MGST1: variants seen among roughly 807,000 people sequenced by gnomAD.
The protein encoded by MGST1 is glutathione S-transferase 12.
A neutral mutation model predicts 8.9 loss-of-function variants in MGST1; 5 were observed. That is an observed-to-expected ratio of 0.56 (90% CI 0.29 to 1.19). The LOEUF is 1.19. MGST1 is among the 50% of genes most tolerant of loss of function. MGST1 has a pLI of 0.08. For missense variants in MGST1, 182 were observed against 187.4 expected (o/e 0.97, Z 0.17); for synonymous variants, 54 against 67.8 (o/e 0.80, Z 1.00).
At chr12:16,400,611 C>A (rs200674914) in intron 1 of MGST1, 2 of 1,177,420 alleles carry the variant, frequency 1.7e-6, no homozygotes, top group Admixed American at 3.4e-5. Flanking sequence ...CCCCGGTCAT[C>A]GTATGACGCT....
chr12:16,507,232 G>A (rs1941543629), intron 4 of MGST1, among the ~76,000 whole-genome samples: 1 of 152,152 alleles, frequency 6.6e-6, no homozygotes, highest in Non-Finnish European at 1.5e-5. Context: ...ACAACATTGG[G>A]CCAATGTGTT....
Position 16,585,728 on chromosome 12 carries a change from G to A in MGST1, n.483-3800G>A, listed in dbSNP as rs142258700. ...GCAGCTCCAAATATAATAATAGAAA[G>A]GAAAATATGGGTGAGAAATTACAAA... On this transcript the variant is annotated intron_variant and non_coding_transcript_variant, in intron 4 of 4. Coordinates refer to the MGST1 transcript ENST00000538857. This position sits in a 1 kb window ranked among gnomAD's most constrained non-coding sequence, Gnocchi z 4.7. Among the ~76,000 whole-genome samples, 224 of 152,126 alleles carry A rather than the reference G, an allele frequency of 1.5e-3. No homozygotes were observed. Among genetic ancestry groups the A allele is most frequent in the African/African-American group, 4.8e-3 (201 of 41,500 alleles).
At chr12:16,569,022 A>G (rs1358589393) in intron 4 of MGST1, among the ~76,000 whole-genome samples, 1 of 152,190 alleles carries the variant, frequency 6.6e-6, no homozygotes, top group Non-Finnish European at 1.5e-5. Context: ...TCTGAAATAG[A>G]TGACAATGCC....
Position 16,401,486 on chromosome 12 carries a change from G to A in MGST1, n.778+17882G>A. 1 of 838,726 alleles carries A rather than the reference G, an allele frequency of 1.2e-6. No individual in the cohort carries two copies. The highest frequency in any genetic ancestry group is 2.1e-6 in the Non-Finnish European group (1 of 487,226). The allele number at this position is 838,726 out of a possible 1,614,324, so 52.0% of individuals were successfully genotyped here. On this transcript the variant is annotated intron_variant and non_coding_transcript_variant, in intron 1 of 1. Coordinates refer to the MGST1 transcript ENST00000359720. The surrounding 1 kb of genome is among the most constrained non-coding windows in gnomAD (Gnocchi z 4.3). ...TTCACACCATGTCTTAATTCCTTCA[G>A]CAGCTCTTCTTGAAGCTGGAGTAAA...
intron 4 of MGST1, among the ~76,000 whole-genome samples, chr12:16,483,891 G>A (rs981102520): frequency 2.0e-5 from 3 of 152,048 alleles, no homozygotes; most frequent in Non-Finnish European, 4.4e-5. Flanking sequence ...CACATAAAAT[G>A]CACAGTACCT....
chr12:16,508,885 T>C (rs781665964), intron 4 of MGST1, among the ~76,000 whole-genome samples: 17 of 152,172 alleles, frequency 1.1e-4, no homozygotes, highest in Non-Finnish European at 2.5e-4. Context: ...TAGAATGATA[T>C]TAAGTTTATC....
chr12:16,453,734 T>C (rs1276917152), intron 4 of MGST1, among the ~76,000 whole-genome samples: 1 of 151,916 alleles, frequency 6.6e-6, no homozygotes, highest in Non-Finnish European at 1.5e-5. Context: ...ATCTTTAATG[T>C]TGCTTGACTT....
chr12:16,422,123 G>A (rs1940843360), intron 1 of MGST1, among the ~76,000 whole-genome samples: 1 of 152,180 alleles, frequency 6.6e-6, no homozygotes, highest in Non-Finnish European at 1.5e-5. Context: ...ATCATTGGAT[G>A]AGACTGGCTG....
chr12:16,471,460 T>A (rs1213190478), intron 4 of MGST1, among the ~76,000 whole-genome samples: 1 of 152,234 alleles, frequency 6.6e-6, no homozygotes, highest in Non-Finnish European at 1.5e-5. Context: ...TTTACTGAAT[T>A]ATGCTTAATG....
chr12:16,412,742 T>C (rs550242424), intron 1 of MGST1, among the ~76,000 whole-genome samples: 2 of 152,188 alleles, frequency 1.3e-5, no homozygotes, highest in Non-Finnish European at 2.9e-5. Context: ...TTGCTCTTCC[T>C]TCACCTTCTG....
chr12:16,351,688 T>C (rs1939472703), intron 1 of MGST1, among the ~76,000 whole-genome samples: 1 of 152,052 alleles, frequency 6.6e-6, no homozygotes, highest in Admixed American at 6.6e-5. Flanking sequence ...CGGGCACCTG[T>C]AATCCCAGCT....
intron 4 of MGST1, among the ~76,000 whole-genome samples, chr12:16,445,235 T>C (rs1480162575): frequency 6.6e-6 from 1 of 151,842 alleles, no homozygotes; most frequent in African/African-American, 2.4e-5. Flanking sequence ...AAAAGGCTAG[T>C]AGGGATTGTA....
rs1941373314 is a variant in MGST1, at chr12:16,482,774, G to A, written n.482+99170G>A. On this transcript the variant is annotated intron_variant and non_coding_transcript_variant, in intron 4 of 4. Coordinates refer to the MGST1 transcript ENST00000538857. This position sits in a 1 kb window ranked among gnomAD's most constrained non-coding sequence, Gnocchi z 4.2. ...GATACGCAAAGGATTAGACTATCAT[G>A]TCGGATACACCGAAATCAGAGACCT... 1.3e-5 allele frequency among the ~76,000 whole-genome samples: 2 copies of A among 152,216 alleles called. No individual in the cohort carries two copies. The highest frequency in any genetic ancestry group is 6.5e-5 in the Admixed American group (1 of 15,284).
upstream of MGST1, among the ~76,000 whole-genome samples, chr12:16,382,594 A>G (rs1019798346): frequency 1.8e-4 from 27 of 152,148 alleles, no homozygotes; most frequent in Non-Finnish European, 3.1e-4. Flanking sequence ...TCAGGGACCC[A>G]CTTGAGGAGG....
intron 1 of MGST1, among the ~76,000 whole-genome samples, chr12:16,404,685 T>C (rs1456498275): frequency 6.6e-6 from 1 of 152,108 alleles, no homozygotes; most frequent in African/African-American, 2.4e-5. Context: ...CCTCTCCCTA[T>C]TTTTGTGTTA....
Position 16,401,068 on chromosome 12 carries a change from C to T in MGST1, n.778+17464C>T, listed in dbSNP as rs1940651361. 7 of 1,593,564 alleles carry T rather than the reference C, an allele frequency of 4.4e-6. No individual in the cohort carries two copies. Among genetic ancestry groups the T allele is most frequent in the South Asian group, 2.2e-5 (2 of 90,662 alleles). ...AAGTAATGCTGCCCGAGAACCTCTT[C>T]CCAAAAGGTCCTCTGCCTCATCTTT... On this transcript the variant is annotated intron_variant and non_coding_transcript_variant, in intron 1 of 1. Coordinates refer to the MGST1 transcript ENST00000359720. The surrounding 1 kb of genome is among the most constrained non-coding windows in gnomAD (Gnocchi z 4.3).
In MGST1 at chr12:16,576,440, C is replaced by CT. The variant is rs928428304; in HGVS notation, n.483-13080dup. ...TATTCTTCCTGGAAGACTACTGCTG[C>CT]TTTTTTTTCATATTCAGATCAAATG... On this transcript the variant is annotated intron_variant and non_coding_transcript_variant, in intron 4 of 4. Transcript: ENST00000538857. The surrounding 1 kb of genome is among the most constrained non-coding windows in gnomAD (Gnocchi z 4.1). 3.9e-5 allele frequency among the ~76,000 whole-genome samples: 6 copies of CT among 152,154 alleles called. No homozygotes were observed. Among genetic ancestry groups the CT allele is most frequent in the Admixed American group, 6.5e-5 (1 of 15,280 alleles).
intron 1 of MGST1, among the ~76,000 whole-genome samples, chr12:16,434,682 T>G (rs1360836059): frequency 6.6e-6 from 1 of 152,036 alleles, no homozygotes; most frequent in African/African-American, 2.4e-5. Flanking sequence ...TTTTTTTTAT[T>G]TTTCAGCAGG....
chr12:16,466,155 A>G (rs1452807145), intron 4 of MGST1, among the ~76,000 whole-genome samples: 1 of 152,208 alleles, frequency 6.6e-6, no homozygotes, highest in East Asian at 1.9e-4. Context: ...AAGTTTTTTT[A>G]GAGACACGTC....
Sources: allele counts gnomAD v4.1 joint callset (sites outside exome capture counted in the v4.1 genomes callset), GRCh38; gene constraint gnomAD v4.1.1; non-coding constraint Gnocchi (gnomAD v3.1); transcripts MANE v1.5; gene names NCBI Gene and HGNC (gene_info 2026-07-23, HGNC 2026-07-21).